Variants in CDC42 observed in about 807,000 individuals in gnomAD.
The protein encoded by CDC42 is cell division cycle 42, also known as cell division control protein 42 homolog.
In CDC42, 1 loss-of-function variant was observed where a neutral mutation model predicts 20.8. That is an observed-to-expected ratio of 0.05 (90% CI 0.02 to 0.23). The LOEUF is 0.23. CDC42 is among the 10% of genes least tolerant of loss of function. CDC42 has a pLI of 1.00. For missense variants in CDC42, 49 were observed against 227.9 expected (o/e 0.21, Z 5.05); for synonymous variants, 72 against 84.8 (o/e 0.85, Z 0.83).
chr1:22,079,327 C>G (rs1013287322), intron 2 of CDC42, among the ~76,000 whole-genome samples: 1 of 151,770 alleles, frequency 6.6e-6, no homozygotes, highest in Non-Finnish European at 1.5e-5. Flanking sequence ...TTAGTAGAAA[C>G]GGGGTTTTAC....
chr1:22,078,713 C>T (rs1177813277), intron 2 of CDC42, 130 bp downstream of exon 2: 2 of 1,505,722 alleles, frequency 1.3e-6, no homozygotes, highest in East Asian at 2.5e-5. Context: ...AAGATCTTGA[C>T]TTCTCATGGG....
chr1:22,064,691 C>CTTT (rs35054876), intron 1 of CDC42, among the ~76,000 whole-genome samples: 1 of 146,164 alleles, frequency 6.8e-6, no homozygotes, highest in Non-Finnish European at 1.5e-5. Context: ...AGAGAAGATT[C>CTTT]TTTTTTTTTT....
chr1:22,091,386 T>A, intron 5 of CDC42, 42 bp from the exon 6 acceptor site: 1 of 1,293,532 alleles, frequency 7.7e-7, no homozygotes, highest in Non-Finnish European at 1.1e-6. Context: ...TTTATTATAC[T>A]GAAAATCAGA....
At chr1:22,055,233 G>T (rs1645292123) in intron 1 of CDC42, among the ~76,000 whole-genome samples, 1 of 151,560 alleles carries the variant, frequency 6.6e-6, no homozygotes, top group Non-Finnish European at 1.5e-5. Flanking sequence ...GATTACAGGC[G>T]TGAGCCACCG....
chr1:22,053,175 C>T (rs1308318248), intron 1 of CDC42: 2 of 142,416 alleles, frequency 1.4e-5, no homozygotes, highest in African/African-American at 5.1e-5. Context: ...CGCCGGTCTT[C>T]CGTGCTGGCA....
chr1:22,094,906 C>T lies in CDC42; in HGVS notation c.*3389C>T, dbSNP rs28462103. 0.048 allele frequency among the ~76,000 whole-genome samples: 7,345 copies of T among 152,222 alleles called. 284 individuals are homozygous for T. The highest frequency in any genetic ancestry group is 0.18 in the East Asian group (951 of 5,166). On this transcript the variant is annotated 3_prime_UTR_variant, in exon 6 of 6. Transcript: ENST00000656825. ...ACTTCTTTGACTTGTTAGGTTTGGA[C>T]TATTTTCCTTTTCTTCTTCCATTTG...
intron 3 of CDC42, among the ~76,000 whole-genome samples, chr1:22,083,491 G>C (rs6657611): frequency 0.021 from 3,128 of 151,968 alleles, 91 homozygotes; most frequent in African/African-American, 0.064. Context: ...TTAAGTCCCA[G>C]CTACTTGGGA....
chr1:22,095,872 C>T lies in CDC42; in HGVS notation c.*4355C>T, dbSNP rs1350030693. On this transcript the variant is annotated 3_prime_UTR_variant, in exon 6 of 6. Transcript: ENST00000656825. ...AGGGGCAAGGGAAAGCGCATTTACA[C>T]TTTCTCGTATTCCATTGCCCAGAGA... 2.6e-5 allele frequency among the ~76,000 whole-genome samples: 4 copies of T among 152,214 alleles called. No homozygotes were observed. Among genetic ancestry groups the T allele is most frequent in the Non-Finnish European group, 5.9e-5 (4 of 68,040 alleles).
chr1:22,077,200 G>A (rs1038124223), intron 1 of CDC42, among the ~76,000 whole-genome samples: 1 of 152,050 alleles, frequency 6.6e-6, no homozygotes, highest in African/African-American at 2.4e-5. Context: ...TGAGGAGCGG[G>A]AGAGTGTATA....
chr1:22,055,781 C>T (rs1196744784), intron 1 of CDC42, among the ~76,000 whole-genome samples: 1 of 151,912 alleles, frequency 6.6e-6, no homozygotes. Flanking sequence ...AGCTGCTGTG[C>T]CGCTGACAGG....
At chr1:22,067,487 G>A (rs17425695) in intron 1 of CDC42, among the ~76,000 whole-genome samples, 8,409 of 152,058 alleles carry the variant, frequency 0.055, 326 homozygotes, top group Middle Eastern at 0.13. Flanking sequence ...AGTAGCTGGG[G>A]TTACAGGCAT....
chr1:22,061,426 A>C (rs1424214122), intron 1 of CDC42, among the ~76,000 whole-genome samples: 1 of 143,362 alleles, frequency 7.0e-6, no homozygotes, highest in African/African-American at 2.6e-5. Flanking sequence ...AAAAAAAAAA[A>C]GAAACCCTTT....
At position 22,091,727 on chromosome 1, in the gene CDC42, T is replaced by A. The variant is rs571430152; in HGVS notation, c.*210T>A. 4.0e-5 allele frequency: 14 copies of A among 345,870 alleles called. No individual in the cohort carries two copies. The highest frequency in any genetic ancestry group is 3.0e-4 in the African/African-American group (14 of 46,882). The allele number at this position is 345,870 out of a possible 1,614,324, so 21.4% of individuals were successfully genotyped here. On this transcript the variant is annotated 3_prime_UTR_variant, in exon 6 of 6. Coordinates refer to ENST00000656825, the MANE Select transcript of CDC42 (RefSeq NM_001791.4). ...TACTAGTTAATTTTGAGTAATTGTATTGTCAGAAAAGTGATTAGTACTATT... is the reference window on the plus strand; with the variant it reads ...TACTAGTTAATTTTGAGTAATTGTAATGTCAGAAAAGTGATTAGTACTATT...
intron 1 of CDC42, among the ~76,000 whole-genome samples, chr1:22,066,969 T>A (rs1645430844): frequency 6.6e-6 from 1 of 152,112 alleles, no homozygotes; most frequent in South Asian, 2.1e-4. Context: ...AAGTTGAGGC[T>A]GGAAAATCGC....
At chr1:22,057,959 T>C (rs942931094) in intron 1 of CDC42, among the ~76,000 whole-genome samples, 3 of 152,192 alleles carry the variant, frequency 2.0e-5, no homozygotes, top group Non-Finnish European at 4.4e-5. Flanking sequence ...ACTCCTGACC[T>C]CACGTGATCT....
chr1:22,066,062 C>A (rs566452942), intron 1 of CDC42, among the ~76,000 whole-genome samples: 1 of 152,248 alleles, frequency 6.6e-6, no homozygotes, highest in South Asian at 2.1e-4. Context: ...GCGTTTTTTT[C>A]ATATTACTAC....
chr1:22,087,712 G>A (rs1308504742), intron 5 of CDC42, among the ~76,000 whole-genome samples: 1 of 152,114 alleles, frequency 6.6e-6, no homozygotes, highest in African/African-American at 2.4e-5. Flanking sequence ...AAGATTGAAG[G>A]GTGGAGGTTT....
chr1:22,079,734 T>C (rs1255889540), intron 2 of CDC42, among the ~76,000 whole-genome samples: 1 of 152,338 alleles, frequency 6.6e-6, no homozygotes, highest in Middle Eastern at 3.4e-3. Flanking sequence ...ATGAATCTTG[T>C]TTCAGAGTGA....
intron 1 of CDC42, among the ~76,000 whole-genome samples, chr1:22,075,032 T>C (rs193084033): frequency 7.1e-4 from 108 of 152,338 alleles, no homozygotes; most frequent in Non-Finnish European, 9.0e-4. Flanking sequence ...ATCATTCCAA[T>C]TGAAGATTGA....
Sources: allele counts gnomAD v4.1 joint callset (sites outside exome capture counted in the v4.1 genomes callset), GRCh38; gene constraint gnomAD v4.1.1; transcripts MANE v1.5; gene names NCBI Gene and HGNC (gene_info 2026-07-23, HGNC 2026-07-21).